Variants in NQO2 observed in about 807,000 individuals in gnomAD.
NQO2 encodes the protein ribosyldihydronicotinamide dehydrogenase [quinone].
NQO2 carries 18 observed loss-of-function variants against 22.0 expected under a neutral mutation model. The ratio of observed to expected loss-of-function variants is 0.82; its 90% CI spans 0.56 to 1.21. The LOEUF (loss-of-function observed/expected upper bound fraction) is 1.21, where lower values mean the gene tolerates loss of function less well. NQO2 is among the 50% of genes most tolerant of loss of function. The pLI is 0.00. For missense variants in NQO2, 267 were observed against 286.9 expected, an observed-to-expected ratio of 0.93 and a Z score of 0.50; for synonymous variants, 106 against 110.8, an observed-to-expected ratio of 0.96 and a Z score of 0.28.
In NQO2 at chr6:3,012,611, T is replaced by C. The variant is rs1258864071; in HGVS notation, c.240T>C (p.Ser80=). 1 of 1,614,202 alleles carries C rather than the reference T, an allele frequency of 6.2e-7. No homozygotes were observed. The highest frequency in any genetic ancestry group is 8.5e-7 in the Non-Finnish European group (1 of 1,180,034). The change falls in exon 4 of 7, where the codon TCT becomes TCC. Residue 80 remains serine, a synonymous_variant. Coordinates refer to ENST00000380455, the MANE Select transcript of NQO2 (RefSeq NM_000904.6). The stretch of plus-strand genomic sequence containing the variant: ...CCCACGAAGCCTACAAGCAAAGGTC[T>C]CTGGCTAGCGACATCACTGATGAGC... The part of the protein sequence containing the change: ...VETHEAYKQR[S]LASDITDEQK...
Position 3,012,558 on chromosome 6 carries a change from C to A in NQO2, c.187C>A (p.Pro63Thr). 4 of 1,614,118 alleles carry A rather than the reference C, an allele frequency of 2.5e-6. No individual in the cohort carries two copies. Among genetic ancestry groups the A allele is most frequent in the Non-Finnish European group, 3.4e-6 (4 of 1,180,020 alleles). The change falls in exon 4 of 7, where the codon CCT (proline) becomes ACT (threonine). Residue 63 changes from proline to threonine, a missense_variant. By Grantham distance (38) the Pro-to-Thr change is conservative (BLOSUM62 -1). Coordinates refer to ENST00000380455, the MANE Select transcript of NQO2 (RefSeq NM_000904.6). Reference sequence around the variant, plus strand: ...TTCCCCGACAGGTACTCTTTCTAATCCTGAGGTTTTCAATTATGGAGTGGA... The same window carrying A: ...TTCCCCGACAGGTACTCTTTCTAATACTGAGGTTTTCAATTATGGAGTGGA... ...DKDITGTLSNPEVFNYGVETH... is the reference protein window; with the variant it reads ...DKDITGTLSNTEVFNYGVETH...
At chr6:3,015,035 G>A (rs1351530807) in intron 4 of NQO2, 8 of 1,177,890 alleles carry the variant, frequency 6.8e-6, no homozygotes, top group East Asian at 5.7e-5. Flanking sequence ...TAATGTTAGG[G>A]CATCTATGGG....
intron 1 of NQO2, chr6:3,004,314 C>G: frequency 1.0e-6 from 1 of 985,164 alleles, no homozygotes; most frequent in Non-Finnish European, 1.2e-6. Flanking sequence ...ATGCAGGTTC[C>G]CAGCTGTCCA....
chr6:3,015,255 C>T (rs4149366), intron 4 of NQO2: 125,534 of 1,424,116 alleles, frequency 0.088, 7,895 homozygotes, highest in African/African-American at 0.3. Context: ...CACAGCTCCT[C>T]GTCCCCTCCC....
At chr6:3,001,073 C>G (rs1756687377) in intron 1 of NQO2, among the ~76,000 whole-genome samples, 1 of 144,180 alleles carries the variant, frequency 6.9e-6, no homozygotes, top group Non-Finnish European at 1.5e-5. Context: ...TGAACTCATT[C>G]TTCTTCCTTT....
intron 2 of NQO2, among the ~76,000 whole-genome samples, chr6:3,007,286 C>T (rs1434098852): frequency 6.6e-6 from 1 of 152,186 alleles, no homozygotes; most frequent in Non-Finnish European, 1.5e-5. Context: ...GAGAAACGTC[C>T]CCTAGCAGGC....
Position 3,016,998 on chromosome 6 carries a change from C to T in NQO2, c.519+13C>T, listed in dbSNP as rs369680716. ...GTGGCCACTCCAGGTAGACCAGCTG[C>T]GAGTGGCTCCCTTGCTTGTTGGCAC... is the stretch of plus-strand genomic sequence containing the variant. On this transcript the variant is annotated intron_variant, in intron 6 of 6. Transcript: ENST00000380455. 1.1e-5 allele frequency: 17 copies of T among 1,612,390 alleles called. No individual in the cohort carries two copies. The highest frequency in any genetic ancestry group is 3.3e-5 in the Admixed American group (2 of 59,872).
chr6:3,012,973 T>TTTTTTTTTTTTTTTTTTTTG (rs1757195389), intron 4 of NQO2, among the ~76,000 whole-genome samples: 1 of 127,426 alleles, frequency 7.8e-6, no homozygotes, highest in African/African-American at 3.3e-5. Context: ...TTTTTTTTTT[T>TTTTTTTTTTTTTTTTTTTTG]GAGACGGAGT....
intron 1 of NQO2, among the ~76,000 whole-genome samples, chr6:3,002,877 C>CTGA (rs1304099906): frequency 1.3e-5 from 2 of 152,138 alleles, no homozygotes; most frequent in Non-Finnish European, 2.9e-5. Flanking sequence ...TCTCAGCCCC[C>CTGA]TGAGTAGCTG....
At chr6:3,018,889 T>C (rs1757432691) in intron 6 of NQO2, among the ~76,000 whole-genome samples, 1 of 150,542 alleles carries the variant, frequency 6.6e-6, no homozygotes, top group African/African-American at 2.5e-5. Flanking sequence ...AAAGAGACAA[T>C]ATGAAATATA....
chr6:3,017,075 C>A, intron 6 of NQO2, 90 bp downstream of exon 6: 1 of 1,447,748 alleles, frequency 6.9e-7, no homozygotes, highest in Non-Finnish European at 9.4e-7. Flanking sequence ...CACACGCACA[C>A]ACATACATGC....
Position 3,010,125 on chromosome 6 carries a change from C to A in NQO2, c.108C>A (p.Thr36=), listed in dbSNP as rs767613985. 1 of 1,613,808 alleles carries A rather than the reference C, an allele frequency of 6.2e-7. No individual in the cohort carries two copies. Among genetic ancestry groups the A allele is most frequent in the South Asian group, 1.1e-5 (1 of 91,056 alleles). ...AVDELSRQGC[T]VTVSDLYAMN... ...ATGAACTGAGCAGGCAGGGCTGCAC[C>A]GTCACAGTGTCTGATTTGTATGCCA... Residue 36 remains threonine, a synonymous_variant, in exon 3 of 7, where the codon ACC becomes ACA. Coordinates refer to ENST00000380455, the MANE Select transcript of NQO2 (RefSeq NM_000904.6).
rs575259363 is a variant in NQO2, at chr6:3,019,565, G to A, written c.606G>A (p.Lys202=). The A allele has an allele frequency of 1.9e-5, 31 of 1,614,198 alleles. 1 individual carries two copies. The South Asian group carries it at 3.0e-4, about 15-fold the overall frequency. The change falls in exon 7 of 7, where the codon AAG becomes AAA. Residue 202 remains lysine, a synonymous_variant. Transcript: ENST00000380455. ...AAATTGCATCCGAAGAAGAAAGAAA[G>A]GGGATGGTGGCTGCGTGGTCCCAGA... The part of the protein sequence containing the change: ...APEIASEEER[K]GMVAAWSQRL...
chr6:3,015,677 G>T, intron 5 of NQO2, 34 bp downstream of exon 5: 1 of 1,591,594 alleles, frequency 6.3e-7, no homozygotes, highest in Non-Finnish European at 8.6e-7. Context: ...ACTATGGATA[G>T]TTGGAGGGAG....
At chr6:3,015,036 C>A (rs531035741) in intron 4 of NQO2, 22 of 1,179,988 alleles carry the variant, frequency 1.9e-5, no homozygotes, top group Middle Eastern at 2.2e-4. Flanking sequence ...AATGTTAGGG[C>A]ATCTATGGGA....
intron 6 of NQO2, 79 bp downstream of exon 6, chr6:3,017,064 ACACACG>A (rs1255262577): frequency 1.1e-5 from 17 of 1,486,920 alleles, no homozygotes; most frequent in Middle Eastern, 2.3e-4. Context: ...GCATACACAC[ACACACG>A]CACACACATA....
chr6:3,007,208 C>T (rs898150317), intron 2 of NQO2, among the ~76,000 whole-genome samples: 1 of 152,146 alleles, frequency 6.6e-6, no homozygotes, highest in Admixed American at 6.5e-5. Flanking sequence ...TCCCTGGCCT[C>T]TGCCCACCAG....
intron 3 of NQO2, 46 bp downstream of exon 3, chr6:3,010,235 T>A: frequency 6.9e-7 from 1 of 1,451,042 alleles, no homozygotes; most frequent in Non-Finnish European, 9.2e-7. Context: ...CATCTTTATG[T>A]TTTTTACTTT....
At chr6:3,000,617 C>T (rs918320134) in intron 1 of NQO2, among the ~76,000 whole-genome samples, 9 of 152,028 alleles carry the variant, frequency 5.9e-5, no homozygotes, top group African/African-American at 2.2e-4. Flanking sequence ...TTTCGGCTCA[C>T]TGCAACCTCC....
Sources: allele counts gnomAD v4.1 joint callset (sites outside exome capture counted in the v4.1 genomes callset), GRCh38; gene constraint gnomAD v4.1.1; transcripts MANE v1.5; gene names NCBI Gene and HGNC (gene_info 2026-07-23, HGNC 2026-07-21).